Variants in CTNNA2 observed in about 807,000 individuals in gnomAD.
The protein encoded by CTNNA2 is catenin alpha 2.
In CTNNA2, 42 loss-of-function variants were observed where a neutral mutation model predicts 101.0. The ratio of observed to expected loss-of-function variants is 0.42; its 90% CI spans 0.32 to 0.54. CTNNA2 has a LOEUF of 0.54. CTNNA2 is among the 20% of genes least tolerant of loss of function. CTNNA2 has a pLI of 0.14. For synonymous variants in CTNNA2, 450 were observed against 456.4 expected (o/e 0.99, Z 0.18); for missense variants, 871 against 1,223.1 (o/e 0.71, Z 4.29).
At chr2:80,086,974 G>C (rs1441141590) in intron 7 of CTNNA2, among the ~76,000 whole-genome samples, 2 of 152,006 alleles carry the variant, frequency 1.3e-5, no homozygotes, top group African/African-American at 4.8e-5. Context: ...ATGATGCTTT[G>C]AGGATTACTA....
chr2:80,158,692 G>A (rs1219801249), intron 7 of CTNNA2, among the ~76,000 whole-genome samples: 33 of 152,140 alleles, frequency 2.2e-4, no homozygotes, highest in African/African-American at 6.5e-4. Context: ...GGCAGATCAC[G>A]AGGTCAGGAG....
chr2:79,643,926 A>G (rs954382559), intron 1 of CTNNA2, among the ~76,000 whole-genome samples: 8 of 151,978 alleles, frequency 5.3e-5, no homozygotes, highest in Admixed American at 5.2e-4. Context: ...AGTTTTTCTC[A>G]ATTCAAATCC....
intron 2 of CTNNA2, among the ~76,000 whole-genome samples, chr2:79,671,382 C>T (rs1296256598): frequency 6.6e-6 from 1 of 152,108 alleles, no homozygotes; most frequent in Non-Finnish European, 1.5e-5. Context: ...TCCCCAATAC[C>T]CTCTGCCTCT....
chr2:79,773,425 G>A (rs368675385), intron 3 of CTNNA2, among the ~76,000 whole-genome samples: 65 of 152,238 alleles, frequency 4.3e-4, no homozygotes, highest in African/African-American at 1.4e-3. Context: ...TATGTCTCCC[G>A]TTCAGAAATA....
intron 9 of CTNNA2, among the ~76,000 whole-genome samples, chr2:80,534,309 T>C (rs914850016): frequency 6.6e-6 from 1 of 152,162 alleles, no homozygotes; most frequent in African/African-American, 2.4e-5. Flanking sequence ...TTGTATAAGG[T>C]TCACTTGATA....
chr2:79,222,699 CTCTGT>C (rs1674360378), intron 2 of CTNNA2, among the ~76,000 whole-genome samples: 8 of 151,938 alleles, frequency 5.3e-5, no homozygotes, highest in African/African-American at 1.9e-4. Flanking sequence ...CTCTCTCTCT[CTCTGT>C]TCTTATTATG....
intron 9 of CTNNA2, among the ~76,000 whole-genome samples, chr2:80,493,153 G>T (rs767436065): frequency 4.6e-5 from 7 of 152,122 alleles, no homozygotes; most frequent in Non-Finnish European, 1.0e-4. Context: ...CACAGAGCAC[G>T]GTACAGAATG....
intron 7 of CTNNA2, among the ~76,000 whole-genome samples, chr2:80,056,951 G>A (rs1339402049): frequency 6.6e-6 from 1 of 152,158 alleles, no homozygotes; most frequent in Non-Finnish European, 1.5e-5. Context: ...TGGCCAATGA[G>A]CATAGAAAAG....
intron 11 of CTNNA2, among the ~76,000 whole-genome samples, chr2:80,547,919 G>T (rs181410004): frequency 2.0e-4 from 30 of 151,896 alleles, no homozygotes; most frequent in Admixed American, 1.4e-3. Flanking sequence ...CTCAAACTCC[G>T]GACCTCAGGT....
At chr2:80,239,045 A>G (rs551533226) in intron 7 of CTNNA2, among the ~76,000 whole-genome samples, 14 of 152,352 alleles carry the variant, frequency 9.2e-5, no homozygotes, top group Non-Finnish European at 1.5e-4. Flanking sequence ...TTTTTCACTT[A>G]AACAATTCAT....
chr2:80,621,171 T>C lies in CTNNA2; in HGVS notation c.2574+1943T>C, dbSNP rs141852896. ...TACTTAGATCTCTCGGGCCTCAGTT[T>C]TTCTCATCTGTAAAATGATGGTAGA... On this transcript the variant is annotated intron_variant, in intron 18 of 18. Coordinates refer to ENST00000402739, the MANE Select transcript of CTNNA2 (RefSeq NM_001282597.3). Among the ~76,000 whole-genome samples, 567 of 151,988 alleles carry C rather than the reference T, an allele frequency of 3.7e-3. 7 individuals are homozygous for C. Among genetic ancestry groups the C allele is most frequent in the African/African-American group, 0.013 (546 of 41,512 alleles).
chr2:79,412,757 G>T (rs1178526384), intron 4 of CTNNA2, among the ~76,000 whole-genome samples: 4 of 152,090 alleles, frequency 2.6e-5, no homozygotes, highest in Admixed American at 6.6e-5. Flanking sequence ...TGTGTAGAGG[G>T]AAATTTATAG....
At chr2:79,486,588 C>T (rs182386102) in intron 4 of CTNNA2, among the ~76,000 whole-genome samples, 71 of 152,066 alleles carry the variant, frequency 4.7e-4, no homozygotes, top group African/African-American at 1.6e-3. Context: ...GGGTATATAC[C>T]CAGTAATGGG....
intron 7 of CTNNA2, among the ~76,000 whole-genome samples, chr2:80,276,350 GCCCGGCTGGATACAAATT>G (rs1263836115): frequency 6.6e-6 from 1 of 152,140 alleles, no homozygotes; most frequent in East Asian, 1.9e-4. Context: ...TTGGATTTCT[GCCCGGCTGGATACAAATT>G]CCAAGCTGCT....
intron 9 of CTNNA2, among the ~76,000 whole-genome samples, chr2:80,486,953 A>G (rs1686633450): frequency 6.6e-6 from 1 of 152,088 alleles, no homozygotes. Flanking sequence ...ATATCTTTTC[A>G]TATCTGCACA....
chr2:79,747,908 A>G (rs1671751138), intron 3 of CTNNA2, among the ~76,000 whole-genome samples: 1 of 152,208 alleles, frequency 6.6e-6, no homozygotes. Context: ...AACAGTGTCA[A>G]ATTCAAAGAA....
At chr2:80,356,747 G>A (rs975817093) in intron 7 of CTNNA2, among the ~76,000 whole-genome samples, 1 of 152,068 alleles carries the variant, frequency 6.6e-6, no homozygotes, top group African/African-American at 2.4e-5. Context: ...TATTTTTGTC[G>A]ACACCATTCA....
Position 80,303,209 on chromosome 2 carries a change from G to T in CTNNA2, c.1057-90002G>T. On this transcript the variant is annotated intron_variant, in intron 7 of 18. Transcript: ENST00000402739. This position sits in a 1 kb window ranked among gnomAD's most constrained non-coding sequence, Gnocchi z 7.7. ...GGTGAGCTTAAACAAGCCGGCGAAA[G>T]AGTTGCGCGCCAGACTCTTGAGCTG... The T allele has an allele frequency of 6.2e-7, 1 of 1,613,926 alleles. No individual in the cohort carries two copies. The highest frequency in any genetic ancestry group is 8.5e-7 in the Non-Finnish European group (1 of 1,179,946).
At chr2:80,198,451 A>T (rs1403745864) in intron 7 of CTNNA2, among the ~76,000 whole-genome samples, 2 of 152,200 alleles carry the variant, frequency 1.3e-5, no homozygotes, top group Non-Finnish European at 2.9e-5. Flanking sequence ...ATAAAATATA[A>T]AGCATTATTA....
Sources: gnomAD v4.1 joint callset for allele counts (sites outside exome capture counted in the v4.1 genomes callset) on GRCh38, gnomAD v4.1.1 for gene constraint, Gnocchi (gnomAD v3.1) non-coding constraint, MANE v1.5 for transcripts, NCBI Gene and HGNC (gene_info 2026-07-23, HGNC 2026-07-21) for gene names.